The following PRKG1 variants were observed in gnomAD, a reference collection of about 807,000 sequenced individuals.
PRKG1 encodes protein kinase cGMP-dependent 1, also known as cGMP-dependent protein kinase 1.
A neutral mutation model predicts 88.1 loss-of-function variants in PRKG1; 35 were observed. That is an observed-to-expected ratio of 0.40 (90% confidence interval 0.30 to 0.53). The LOEUF (loss-of-function observed/expected upper bound fraction) is 0.53. PRKG1 is among the 20% of genes least tolerant of loss of function. The pLI, the probability that PRKG1 is intolerant of heterozygous loss-of-function variation, is 0.59. For synonymous variants in PRKG1, 303 were observed against 292.5 expected (o/e 1.04, Z -0.37); for missense variants, 540 against 839.8 (o/e 0.64, Z 4.41).
intron 5 of PRKG1, among the ~76,000 whole-genome samples, chr10:51,944,802 G>A (rs1353081439): frequency 1.3e-5 from 2 of 152,020 alleles, no homozygotes; most frequent in African/African-American, 2.4e-5. Flanking sequence ...TAGTTTGATT[G>A]CACTGTGGTC....
intron 9 of PRKG1, among the ~76,000 whole-genome samples, chr10:52,177,775 C>T (rs2132721773): frequency 6.6e-6 from 1 of 151,914 alleles, no homozygotes; most frequent in East Asian, 1.9e-4. Flanking sequence ...TTCAAATTTA[C>T]TGGTGTATAG....
At chr10:51,268,882 A>G (rs1451953010) in intron 2 of PRKG1, among the ~76,000 whole-genome samples, 1 of 152,200 alleles carries the variant, frequency 6.6e-6, no homozygotes, top group African/African-American at 2.4e-5. Context: ...AAGACATTAT[A>G]AAAGTATTAA....
chr10:51,693,063 G>A (rs1841185128), intron 3 of PRKG1, among the ~76,000 whole-genome samples: 1 of 151,936 alleles, frequency 6.6e-6, no homozygotes, highest in Admixed American at 6.6e-5. Flanking sequence ...CAAGGCGGGT[G>A]GATCATTTGA....
At position 51,421,705 on chromosome 10, in the gene PRKG1, A is replaced by G. The variant is rs114546576; in HGVS notation, c.479-46018A>G. 1.2e-3 allele frequency among the ~76,000 whole-genome samples: 183 copies of G among 152,250 alleles called. 1 individual carries two copies. Among genetic ancestry groups the G allele is most frequent in the African/African-American group, 4.2e-3 (173 of 41,546 alleles). ...ATGTCATAATGTCTCCTCTTGGATG[A>G]ATGATTTGTAATGTATTCTTCCTTT... On this transcript the variant is annotated intron_variant, in intron 2 of 17. Transcript: ENST00000373980.
chr10:52,231,754 C>G (rs1223200973), intron 9 of PRKG1, among the ~76,000 whole-genome samples: 1 of 152,156 alleles, frequency 6.6e-6, no homozygotes, highest in Non-Finnish European at 1.5e-5. Context: ...CAGCCTGAAA[C>G]CTAAGATTGC....
At chr10:51,900,215 A>G (rs1040426135) in intron 4 of PRKG1, among the ~76,000 whole-genome samples, 2 of 152,304 alleles carry the variant, frequency 1.3e-5, no homozygotes, top group East Asian at 1.9e-4. Context: ...GTTGAAATAT[A>G]TGAAGAAAAT....
At chr10:52,001,848 A>G (rs898043920) in intron 5 of PRKG1, among the ~76,000 whole-genome samples, 2 of 152,052 alleles carry the variant, frequency 1.3e-5, no homozygotes, top group Admixed American at 1.3e-4. Flanking sequence ...TATAAAATGG[A>G]CAGTCTTAAT....
chr10:52,293,787 G>A lies in PRKG1; in HGVS notation c.1963-15G>A, dbSNP rs760233372. 3.9e-5 allele frequency: 63 copies of A among 1,601,570 alleles called. No individual in the cohort carries two copies. Among genetic ancestry groups the A allele is most frequent in the Non-Finnish European group, 5.4e-5 (63 of 1,172,002 alleles). On this transcript the variant is annotated splice_polypyrimidine_tract_variant and intron_variant, in intron 17 of 17. Transcript: ENST00000373980. ...AAAAAAAATCCACTAAAAAAAACCT[G>A]TCCATTTTTTACAGGTTGCATCACC...
In PRKG1 at chr10:52,294,411, C is replaced by G. The variant is rs1842337944; in HGVS notation, c.*511C>G. The G allele has an allele frequency of 6.6e-6, 1 of 152,364 alleles. No individual in the cohort carries two copies. The highest frequency in any genetic ancestry group is 6.6e-5 in the Admixed American group (1 of 15,248). The allele number at this position is 152,364 out of a possible 1,614,324, so 9.4% of individuals were successfully genotyped here. A position where few individuals can be genotyped will look rare whatever the true frequency, so the allele number is the denominator to read the frequency against. The stretch of plus-strand genomic sequence containing the variant: ...AAGAGGACCACACATCTGTTGGTCA[C>G]AGAGTTCATGTCACACCAGTGCTAG... On this transcript the variant is annotated 3_prime_UTR_variant, in exon 18 of 18. Coordinates refer to ENST00000373980, the MANE Select transcript of PRKG1 (RefSeq NM_006258.4).
chr10:51,455,240 T>C (rs938110128), intron 2 of PRKG1, among the ~76,000 whole-genome samples: 4 of 152,326 alleles, frequency 2.6e-5, no homozygotes, highest in African/African-American at 7.2e-5. Flanking sequence ...AGGCTGCACA[T>C]AGCAGAGGGT....
intron 3 of PRKG1, among the ~76,000 whole-genome samples, chr10:51,653,874 C>A (rs1840100248): frequency 6.6e-6 from 1 of 152,046 alleles, no homozygotes; most frequent in Non-Finnish European, 1.5e-5. Context: ...GGCCTCTTTG[C>A]CTATTTTTAA....
chr10:51,035,410 G>C (rs1843340461), intron 1 of PRKG1, among the ~76,000 whole-genome samples: 1 of 152,128 alleles, frequency 6.6e-6, no homozygotes, highest in Non-Finnish European at 1.5e-5. Context: ...TTGGTCATAA[G>C]AAACAAAGGC....
intron 3 of PRKG1, among the ~76,000 whole-genome samples, chr10:51,734,437 G>A (rs1294470891): frequency 6.6e-6 from 1 of 151,858 alleles, no homozygotes; most frequent in Non-Finnish European, 1.5e-5. Flanking sequence ...TTTTATTTCA[G>A]TGACTATATA....
Position 51,443,985 on chromosome 10 carries a change from C to T in PRKG1, c.479-23738C>T, listed in dbSNP as rs879825713. Among the ~76,000 whole-genome samples, 2 of 149,878 alleles carry T rather than the reference C, an allele frequency of 1.3e-5. 1 individual carries two copies. The highest frequency in any genetic ancestry group is 4.9e-5 in the African/African-American group (2 of 41,228). On this transcript the variant is annotated intron_variant, in intron 2 of 17. Transcript: ENST00000373980. ...ATTTTATCTGAAAATAGACATAATG[C>T]GCTCATTGCCTTCTAGAAAAACACT...
chr10:52,128,807 A>T (rs911603684), intron 7 of PRKG1, among the ~76,000 whole-genome samples: 2 of 152,230 alleles, frequency 1.3e-5, no homozygotes, highest in Non-Finnish European at 2.9e-5. Flanking sequence ...CAACTAATAC[A>T]GAGGCACAGA....
At chr10:51,665,611 A>T (rs1840403398) in intron 3 of PRKG1, among the ~76,000 whole-genome samples, 1 of 152,160 alleles carries the variant, frequency 6.6e-6, no homozygotes, top group South Asian at 2.1e-4. Flanking sequence ...TCAGGATATG[A>T]AGGAAAAAGA....
chr10:51,237,883 T>C (rs1441941296), intron 2 of PRKG1, among the ~76,000 whole-genome samples: 2 of 152,138 alleles, frequency 1.3e-5, no homozygotes, highest in Non-Finnish European at 2.9e-5. Flanking sequence ...TCCAAGTAGA[T>C]GGTTAGATGT....
chr10:52,073,327 T>C (rs760955274), intron 7 of PRKG1, among the ~76,000 whole-genome samples: 11 of 152,146 alleles, frequency 7.2e-5, no homozygotes, highest in Non-Finnish European at 1.0e-4. Context: ...CTTCGACATA[T>C]CTTTTGGGAG....
intron 2 of PRKG1, among the ~76,000 whole-genome samples, chr10:51,174,328 A>G (rs1837132288): frequency 6.6e-6 from 1 of 151,954 alleles, no homozygotes; most frequent in South Asian, 2.1e-4. Flanking sequence ...TGAAATATTT[A>G]GAATTCATTT....
Sources: gnomAD v4.1 joint callset for allele counts (sites outside exome capture counted in the v4.1 genomes callset) on GRCh38, gnomAD v4.1.1 for gene constraint, MANE v1.5 for transcripts, NCBI Gene and HGNC (gene_info 2026-07-23, HGNC 2026-07-21) for gene names.